The following DGKI variants were observed in gnomAD, a reference collection of about 807,000 sequenced individuals.
DGKI encodes DAG kinase iota.
A neutral mutation model predicts 147.5 loss-of-function variants in DGKI; 55 were observed. The observed-to-expected ratio is 0.37, with a 90% CI of 0.30 to 0.47. The LOEUF (loss-of-function observed/expected upper bound fraction) is 0.47. DGKI is among the 20% of genes least tolerant of loss of function. The pLI, the probability that DGKI is intolerant of heterozygous loss-of-function variation, is 1.00. For missense variants in DGKI, 1,007 were observed against 1,323.8 expected (o/e 0.76, Z 3.71); for synonymous variants, 469 against 477.1 (o/e 0.98, Z 0.22).
chr7:137,566,257 A>G (rs566326821), intron 19 of DGKI, among the ~76,000 whole-genome samples: 1 of 152,260 alleles, frequency 6.6e-6, no homozygotes, highest in South Asian at 2.1e-4. Flanking sequence ...AATCATCTTA[A>G]ACAAATGTTT....
chr7:137,843,177 G>A (rs1563223366), intron 1 of DGKI, among the ~76,000 whole-genome samples: 4 of 151,116 alleles, frequency 2.6e-5, no homozygotes, highest in Admixed American at 2.0e-4. Flanking sequence ...TTGCATAGAA[G>A]ACAATAAACA....
chr7:137,422,601 T>C (rs1812618622), intron 28 of DGKI, among the ~76,000 whole-genome samples: 1 of 111,756 alleles, frequency 8.9e-6, no homozygotes, highest in African/African-American at 3.6e-5. Flanking sequence ...TTTTCTTTTT[T>C]TTTTTTTTTT....
intron 21 of DGKI, among the ~76,000 whole-genome samples, chr7:137,500,547 A>G (rs1409235120): frequency 1.3e-5 from 2 of 152,202 alleles, no homozygotes; most frequent in East Asian, 1.9e-4. Flanking sequence ...TTTAAAGTCT[A>G]TATACACCAA....
intron 1 of DGKI, among the ~76,000 whole-genome samples, chr7:137,784,349 A>T (rs1385085441): frequency 6.6e-6 from 1 of 152,170 alleles, no homozygotes; most frequent in African/African-American, 2.4e-5. Flanking sequence ...AACAAACTTT[A>T]AAGCAACAGC....
At chr7:137,580,755 T>A (rs1269131060) in intron 15 of DGKI, among the ~76,000 whole-genome samples, 1 of 152,144 alleles carries the variant, frequency 6.6e-6, no homozygotes, top group Non-Finnish European at 1.5e-5. Context: ...GATCAGAATT[T>A]TCATGTTATT....
chr7:137,664,158 C>T (rs1469624482), intron 3 of DGKI, among the ~76,000 whole-genome samples: 1 of 152,124 alleles, frequency 6.6e-6, no homozygotes, highest in African/African-American at 2.4e-5. Context: ...AGGAAGATTA[C>T]ATGAGGCTGG....
chr7:137,841,327 C>T (rs1394339679), intron 1 of DGKI, among the ~76,000 whole-genome samples: 1 of 152,146 alleles, frequency 6.6e-6, no homozygotes, highest in Non-Finnish European at 1.5e-5. Context: ...GTTTTTGTGC[C>T]TTGAAATAGG....
At chr7:137,767,574 G>A (rs1036762517) in intron 1 of DGKI, among the ~76,000 whole-genome samples, 1 of 148,850 alleles carries the variant, frequency 6.7e-6, no homozygotes, top group Non-Finnish European at 1.5e-5. Context: ...AGAAGAGAAG[G>A]AGAAGGAGAA....
At chr7:137,502,364 C>A (rs1483694513) in intron 21 of DGKI, among the ~76,000 whole-genome samples, 1 of 152,038 alleles carries the variant, frequency 6.6e-6, no homozygotes, top group Non-Finnish European at 1.5e-5. Context: ...ATTAAAGATA[C>A]ATAATTGTGT....
intron 20 of DGKI, among the ~76,000 whole-genome samples, chr7:137,535,593 G>T (rs834070): frequency 0.027 from 4,098 of 151,940 alleles, 176 homozygotes; most frequent in East Asian, 0.11. Context: ...GCACACTCAA[G>T]GCAACAAAAC....
intron 1 of DGKI, among the ~76,000 whole-genome samples, chr7:137,743,651 A>G: frequency 6.6e-6 from 1 of 152,160 alleles, no homozygotes; most frequent in East Asian, 1.9e-4. Context: ...TAAATTAACA[A>G]TCTAAACTTC....
intron 20 of DGKI, chr7:137,545,915 G>T (rs1278270122): frequency 1.4e-6 from 1 of 702,666 alleles, no homozygotes; most frequent in Admixed American, 2.0e-5. Flanking sequence ...GAAGGAGCCG[G>T]GGGGAGCAGA....
Position 137,563,629 on chromosome 7 carries a change from T to C in DGKI, c.1947+7546A>G, listed in dbSNP as rs891963292. 5.3e-5 allele frequency among the ~76,000 whole-genome samples: 8 copies of C among 151,824 alleles called. No individual in the cohort carries two copies. The East Asian group carries it at 1.5e-3, about 29-fold the overall frequency. ...AAACAAATATGTATTTGTATATGTATAGACACACATATAGTTATTTCTATA... is the reference window on the plus strand; with the variant it reads ...AAACAAATATGTATTTGTATATGTACAGACACACATATAGTTATTTCTATA... On this transcript the variant is annotated intron_variant, in intron 19 of 32. Transcript: ENST00000614521.
chr7:137,417,662 T>G lies in DGKI; in HGVS notation c.2762-5455A>C, dbSNP rs115753733. Among the ~76,000 whole-genome samples the G allele has an allele frequency of 5.6e-3, 851 of 152,318 alleles. 7 individuals are homozygous for G. Among genetic ancestry groups the G allele is most frequent in the African/African-American group, 0.02 (813 of 41,574 alleles). On this transcript the variant is annotated intron_variant, in intron 28 of 32. Transcript: ENST00000614521. Reference sequence around the variant, plus strand: ...TTGTATAAACCCTCCAAAATTCATGTTGAAACTTAATCCCCAGTGTGGTAT... The same window carrying G: ...TTGTATAAACCCTCCAAAATTCATGGTGAAACTTAATCCCCAGTGTGGTAT...
intron 20 of DGKI, among the ~76,000 whole-genome samples, chr7:137,530,651 A>AT (rs1817307762): frequency 6.6e-6 from 1 of 152,086 alleles, no homozygotes; most frequent in Non-Finnish European, 1.5e-5. Flanking sequence ...GGACTTCCTA[A>AT]ATTTGCGATG....
chr7:137,660,839 GAA>G (rs1822399564), intron 3 of DGKI, among the ~76,000 whole-genome samples: 1 of 151,284 alleles, frequency 6.6e-6, no homozygotes, highest in South Asian at 2.1e-4. Flanking sequence ...GAGGGAAGGG[GAA>G]AAGACGGGAA....
In DGKI at chr7:137,618,151, A is replaced by ATATATATATATATATATATATATTTTT; in HGVS notation, c.993+1672_993+1673insAAAAATATATATATATATATATATATA. 1.1e-3 allele frequency among the ~76,000 whole-genome samples: 12 copies of ATATATATATATATATATATATATTTTT among 10,460 alleles called. 1 individual carries two copies. The highest frequency in any genetic ancestry group is 2.4e-3 in the Non-Finnish European group (4 of 1,648). 6.9% of individuals were successfully genotyped at this position (10,460 alleles called of 152,430 possible). ...ACTATATATATATATATATATATATATTTTTTTTTTTTTACTCTATCATTC... is the reference window on the plus strand; with the variant it reads ...ACTATATATATATATATATATATATATATATATATATATATATATATATTTTTTTTTTTTTTTTTTACTCTATCATTC... On this transcript the variant is annotated intron_variant, in intron 8 of 32. Coordinates refer to ENST00000614521, the MANE Select transcript of DGKI (RefSeq NM_001321708.2).
At chr7:137,413,265 C>CAAAA (rs35856159) in intron 28 of DGKI, among the ~76,000 whole-genome samples, 2 of 92,626 alleles carry the variant, frequency 2.2e-5, no homozygotes, top group East Asian at 3.5e-4. Context: ...GACTCCATCT[C>CAAAA]AAAAAAAAAA....
At chr7:137,812,104 C>G (rs1043967622) in intron 1 of DGKI, among the ~76,000 whole-genome samples, 4 of 152,152 alleles carry the variant, frequency 2.6e-5, no homozygotes, top group Non-Finnish European at 5.9e-5. Context: ...CAGGGAGATG[C>G]CCTTCACTTT....
Sources: allele counts gnomAD v4.1 joint callset (sites outside exome capture counted in the v4.1 genomes callset), GRCh38; gene constraint gnomAD v4.1.1; transcripts MANE v1.5; gene names NCBI Gene and HGNC (gene_info 2026-07-23, HGNC 2026-07-21).